Variants in PSMA2 observed in about 807,000 individuals in gnomAD.
PSMA2 encodes the protein proteasome 20S subunit alpha 2.
Under a neutral mutation model 35.9 loss-of-function variants are expected in PSMA2, and 2 were observed. That is an observed-to-expected ratio of 0.06 (90% CI 0.02 to 0.18). The LOEUF (loss-of-function observed/expected upper bound fraction) is 0.18. Among genes scored for constraint, PSMA2 ranks in the 10% least tolerant of loss-of-function variants. The probability of loss-of-function intolerance (pLI) is 1.00; values close to 1 mark genes in which losing one functional copy is unlikely to be tolerated. For synonymous variants in PSMA2, 97 were observed against 98.2 expected, an observed-to-expected ratio of 0.99 and a Z score of 0.07; for missense variants, 126 against 278.8, an observed-to-expected ratio of 0.45 and a Z score of 3.90.
At chr7:42,926,723 C>T in intron 2 of PSMA2, 55 bp from the exon 3 acceptor site, 5 of 1,513,170 alleles carry the variant, frequency 3.3e-6, no homozygotes, top group Non-Finnish European at 4.4e-6. Context: ...ACTGTTTTAA[C>T]AGCTTTCTAA....
At chr7:42,931,785 G>C (rs1307989744) in intron 1 of PSMA2, among the ~76,000 whole-genome samples, 2 of 152,076 alleles carry the variant, frequency 1.3e-5, no homozygotes, top group African/African-American at 2.4e-5. Flanking sequence ...TCCTGAGTTC[G>C]GAACGGGCCA....
chr7:42,918,062 A>T, intron 6 of PSMA2: 3 of 254,786 alleles, frequency 1.2e-5, no homozygotes, highest in East Asian at 6.6e-5. Flanking sequence ...AAATGAGTTT[A>T]GTTTAGGAAA....
intron 3 of PSMA2, among the ~76,000 whole-genome samples, chr7:42,926,038 A>G (rs752840475): frequency 3.3e-5 from 5 of 152,340 alleles, no homozygotes; most frequent in Admixed American, 6.5e-5. Flanking sequence ...TTACACAAGC[A>G]TTGGGATCCT....
chr7:42,919,834 A>C (rs1356761808), intron 6 of PSMA2: 4 of 730,702 alleles, frequency 5.5e-6, no homozygotes, highest in Non-Finnish European at 1.0e-5. Context: ...TACAAAGGAC[A>C]CTCTGGTCCT....
chr7:42,921,717 T>G (rs1382660440), intron 6 of PSMA2, 141 bp downstream of exon 6: 1 of 506,610 alleles, frequency 2.0e-6, no homozygotes, highest in East Asian at 3.1e-5. Flanking sequence ...GGGAGAGAAG[T>G]TTTTGGTTTA....
At chr7:42,926,127 T>A (rs901119056) in intron 3 of PSMA2, among the ~76,000 whole-genome samples, 2 of 152,230 alleles carry the variant, frequency 1.3e-5, no homozygotes. Flanking sequence ...AAAAGATAAC[T>A]CTGGATAGTG....
Position 42,917,437 on chromosome 7 carries a change from AT to A in PSMA2, c.*136del, listed in dbSNP as rs1409534441. The stretch of plus-strand genomic sequence containing the variant: ...TGGGTTTAACAGTTTATTAGGATTT[AT>A]AAGTGTCATTTTAAAAACAGTCGAT... On this transcript the variant is annotated 3_prime_UTR_variant, in exon 8 of 8. Transcript: ENST00000223321. 3 of 664,478 alleles carry A rather than the reference AT, an allele frequency of 4.5e-6. No homozygotes were observed. Among genetic ancestry groups the A allele is most frequent in the Admixed American group, 5.9e-5 (2 of 33,776 alleles). 41.2% of individuals were successfully genotyped at this position (664,478 alleles called of 1,614,324 possible).
rs991258191 is a variant in PSMA2, at chr7:42,930,264, A to T, written c.41+1854T>A. On this transcript the variant is annotated intron_variant, in intron 1 of 7. Transcript: ENST00000223321. Reference sequence around the variant, plus strand: ...ACACACACACAAGTTTGGTTTTTTTAAAAAAAACTTTTAGATATGGGGTAT... The same window carrying T: ...ACACACACACAAGTTTGGTTTTTTTTAAAAAAACTTTTAGATATGGGGTAT... 4.6e-5 allele frequency among the ~76,000 whole-genome samples: 7 copies of T among 151,740 alleles called. No homozygotes were observed. In the East Asian group the frequency reaches 5.8e-4, roughly 13 times the overall value.
At chr7:42,919,868 T>C (rs906550237) in intron 6 of PSMA2, 1 of 751,718 alleles carries the variant, frequency 1.3e-6, no homozygotes, top group African/African-American at 1.7e-5. Flanking sequence ...GATTTGATCC[T>C]GATGGAGAAC....
In PSMA2 at chr7:42,932,126, A is replaced by C. The variant is rs201793962; in HGVS notation, c.33T>G (p.Thr11=). ...GAGGGCCCCTTCCATACCTGAATGTAGTCAGCGAAAAGCTGTACCCGCGCT... is the reference window on the plus strand; with the variant it reads ...GAGGGCCCCTTCCATACCTGAATGTCGTCAGCGAAAAGCTGTACCCGCGCT... MAERGYSFSL[T]TFSPSGKLVQ... is the part of the protein sequence containing the mutation. Residue 11 remains threonine, a synonymous_variant, in exon 1 of 8, where the codon ACT becomes ACG. Transcript: ENST00000223321. The C allele has an allele frequency of 1.2e-6, 2 of 1,614,186 alleles. No individual in the cohort carries two copies. Among genetic ancestry groups the C allele is most frequent in the Non-Finnish European group, 1.7e-6 (2 of 1,180,050 alleles).
chr7:42,932,066 A>G, intron 1 of PSMA2, 52 bp downstream of exon 1: 1 of 1,610,806 alleles, frequency 6.2e-7, no homozygotes, highest in South Asian at 1.1e-5. Flanking sequence ...CTAAATCGAC[A>G]GAGTACCAGC....
rs192659071 is a variant in PSMA2 at position 42,924,261 on chromosome 7, G to A, written c.374+414C>T. On this transcript the variant is annotated intron_variant, in intron 4 of 7. Coordinates refer to ENST00000223321, the MANE Select transcript of PSMA2 (RefSeq NM_002787.5). ...GGTGCCAGCTACTCAGGAGGCTGACGCATAATTGCTTGATCCCAGGAGGCA... is the reference window on the plus strand; with the variant it reads ...GGTGCCAGCTACTCAGGAGGCTGACACATAATTGCTTGATCCCAGGAGGCA... Among the ~76,000 whole-genome samples the A allele has an allele frequency of 5.9e-3, 847 of 142,440 alleles. 7 individuals carry two copies. Among genetic ancestry groups the A allele is most frequent in the African/African-American group, 0.021 (808 of 38,322 alleles). The allele number at this position is 142,440 out of a possible 152,430, so 93.4% of individuals were successfully genotyped here. A position where few individuals can be genotyped will look rare whatever the true frequency, so the allele number is the denominator to read the frequency against.
At chr7:42,928,193 G>A (rs542230899) in intron 1 of PSMA2, among the ~76,000 whole-genome samples, 4 of 152,242 alleles carry the variant, frequency 2.6e-5, no homozygotes, top group Admixed American at 6.5e-5. Context: ...TGAAATCACC[G>A]TCCCCTACAA....
rs749412007 is a variant in PSMA2, at chr7:42,924,754, G to C, written c.295C>G (p.Leu99Val). 2 of 1,612,984 alleles carry C rather than the reference G, an allele frequency of 1.2e-6. No individual in the cohort carries two copies. The highest frequency in any genetic ancestry group is 1.3e-5 in the African/African-American group (1 of 74,910). ...RARKLAQQYY[L>V]VYQEPIPTAQ... ...GTAGGAATGGGTTCTTGGTACACAA[G>C]ATAGTATTGTTGAGCTAGTTTTCGA... The change falls in exon 4 of 8, where the codon CTT (leucine) becomes GTT (valine). Residue 99 changes from leucine to valine, a missense_variant. Transcript: ENST00000223321.
Position 42,916,884 on chromosome 7 carries a change from T to A in PSMA2, c.*690A>T, listed in dbSNP as rs914900852. 2.0e-5 allele frequency: 3 copies of A among 152,230 alleles called. No individual in the cohort carries two copies. Among genetic ancestry groups the A allele is most frequent in the African/African-American group, 7.2e-5 (3 of 41,454 alleles). The allele number at this position is 152,230 out of a possible 1,614,324, so 9.4% of individuals were successfully genotyped here. A position where few individuals can be genotyped will look rare whatever the true frequency, so the allele number is the denominator to read the frequency against. On this transcript the variant is annotated 3_prime_UTR_variant, in exon 8 of 8. Coordinates refer to ENST00000223321, the MANE Select transcript of PSMA2 (RefSeq NM_002787.5). ...AGTTTTGACACTTAAGTATTAGCAT[T>A]TTATTTCAAGCACTTATGCTCATCC... is the stretch of plus-strand genomic sequence containing the variant.
chr7:42,917,763 G>A lies in PSMA2; in HGVS notation c.588+15C>T. ...TGAAATCATTATAAATCCAGTTGTT[G>A]AATACTGAGCTAACCTTTAGGGTTA... On this transcript the variant is annotated intron_variant, in intron 7 of 7. Transcript: ENST00000223321. 2.5e-6 allele frequency: 4 copies of A among 1,611,318 alleles called. No homozygotes were observed. Among genetic ancestry groups the A allele is most frequent in the Non-Finnish European group, 3.4e-6 (4 of 1,177,818 alleles).
intron 6 of PSMA2, 54 bp downstream of exon 6, chr7:42,921,804 C>G: frequency 6.9e-7 from 1 of 1,454,146 alleles, no homozygotes; most frequent in Non-Finnish European, 9.6e-7. Context: ...TAAAGAGCAC[C>G]AAAAACCATA....
intron 6 of PSMA2, chr7:42,919,251 T>A: frequency 1.6e-6 from 1 of 616,548 alleles, no homozygotes; most frequent in Non-Finnish European, 3.2e-6. Context: ...CAACACTGAA[T>A]AAGGATGCCA....
chr7:42,927,250 A>C lies in PSMA2; in HGVS notation c.118+133T>G, dbSNP rs1034640379. 7 of 776,374 alleles carry C rather than the reference A, an allele frequency of 9.0e-6. No homozygotes were observed. In the African/African-American group the frequency reaches 1.2e-4, roughly 14 times the overall value. 48.1% of individuals were successfully genotyped at this position (776,374 alleles called of 1,614,324 possible). ...TAGACTTATTACTATTTAAACTCCAAAACACTGTAAATTAACAAAAAATTG... is the reference window on the plus strand; with the variant it reads ...TAGACTTATTACTATTTAAACTCCACAACACTGTAAATTAACAAAAAATTG... On this transcript the variant is annotated intron_variant, in intron 2 of 7. Coordinates refer to ENST00000223321, the MANE Select transcript of PSMA2 (RefSeq NM_002787.5).
Sources: allele counts gnomAD v4.1 joint callset (sites outside exome capture counted in the v4.1 genomes callset), GRCh38; gene constraint gnomAD v4.1.1; transcripts MANE v1.5; gene names NCBI Gene and HGNC (gene_info 2026-07-23, HGNC 2026-07-21).